RBFOX1: variants seen among roughly 807,000 people sequenced by gnomAD.
The protein encoded by RBFOX1 is RNA binding fox-1 homolog 1, also known as RNA binding protein fox-1 homolog 1.
In RBFOX1, 8 loss-of-function variants were observed where a neutral mutation model predicts 57.7. The observed-to-expected ratio is 0.14, with a 90% CI of 0.08 to 0.25. RBFOX1 has a LOEUF of 0.25. Among genes scored for constraint, RBFOX1 ranks in the 10% least tolerant of loss-of-function variants. RBFOX1 has a pLI of 1.00. For missense variants in RBFOX1, 611 were observed against 548.5 expected (o/e 1.11, Z -1.14); for synonymous variants, 326 against 222.4 (o/e 1.47, Z -4.15).
intron 3 of RBFOX1, among the ~76,000 whole-genome samples, chr16:5,839,451 C>G (rs1302904769): frequency 1.3e-5 from 2 of 152,190 alleles, no homozygotes; most frequent in African/African-American, 2.4e-5. Context: ...TTATCTGGTC[C>G]TGATTCACCA....
chr16:6,006,047 A>G (rs1334620632), intron 4 of RBFOX1, among the ~76,000 whole-genome samples: 1 of 152,238 alleles, frequency 6.6e-6, no homozygotes, highest in African/African-American at 2.4e-5. Flanking sequence ...ACTGGATCCT[A>G]TAGGTGGTGC....
intron 2 of RBFOX1, among the ~76,000 whole-genome samples, chr16:6,409,419 C>T (rs560507517): frequency 6.6e-6 from 1 of 152,212 alleles, no homozygotes; most frequent in Admixed American, 6.5e-5. Flanking sequence ...GGTCTCAAAA[C>T]AAAACAAAAC....
intron 1 of RBFOX1, among the ~76,000 whole-genome samples, chr16:5,263,238 A>G (rs1329681499): frequency 6.6e-6 from 1 of 152,190 alleles, no homozygotes; most frequent in African/African-American, 2.4e-5. Context: ...TGACTCAGGG[A>G]CAAAGTTTGG....
At chr16:7,394,444 GAACAGGATTTTATTAAGGA>G (rs1364392113) in intron 4 of RBFOX1, among the ~76,000 whole-genome samples, 1 of 151,988 alleles carries the variant, frequency 6.6e-6, no homozygotes, top group Non-Finnish European at 1.5e-5. Flanking sequence ...GCCATATGGG[GAACAGGATTTTATTAAGGA>G]AACCTCGAAA....
chr16:5,745,221 C>T (rs947371635), intron 3 of RBFOX1, among the ~76,000 whole-genome samples: 9 of 152,142 alleles, frequency 5.9e-5, no homozygotes, highest in Admixed American at 1.3e-4. Context: ...CGATAGTTTG[C>T]TGAGAATGAT....
intron 6 of RBFOX1, among the ~76,000 whole-genome samples, chr16:7,581,094 C>T (rs1413419092): frequency 6.6e-6 from 1 of 152,176 alleles, no homozygotes; most frequent in Non-Finnish European, 1.5e-5. Context: ...TTCTTATACA[C>T]ACGTGATGCT....
intron 5 of RBFOX1, among the ~76,000 whole-genome samples, chr16:7,562,611 G>C (rs1334368273): frequency 6.6e-5 from 10 of 152,182 alleles, no homozygotes; most frequent in Admixed American, 6.5e-4. Flanking sequence ...CCAGCAGAAT[G>C]AGATGGGAGG....
At chr16:6,793,407 C>A (rs187231538) in intron 3 of RBFOX1, among the ~76,000 whole-genome samples, 1 of 152,066 alleles carries the variant, frequency 6.6e-6, no homozygotes, top group African/African-American at 2.4e-5. Context: ...GAGGGTGGGA[C>A]ATTCTTACCT....
chr16:6,896,244 C>T (rs1283440034), intron 3 of RBFOX1, among the ~76,000 whole-genome samples: 1 of 152,140 alleles, frequency 6.6e-6, no homozygotes, highest in African/African-American at 2.4e-5. Flanking sequence ...CTGCACTGTG[C>T]AGTTTGAGAC....
At chr16:6,033,550 A>C in intron 1 of RBFOX1, among the ~76,000 whole-genome samples, 1 of 152,226 alleles carries the variant, frequency 6.6e-6, no homozygotes, top group East Asian at 1.9e-4. Context: ...CTCTTTTTAA[A>C]AAAATTAAGA....
At chr16:5,690,337 C>A (rs569587524) in intron 3 of RBFOX1, among the ~76,000 whole-genome samples, 3 of 152,300 alleles carry the variant, frequency 2.0e-5, no homozygotes, top group South Asian at 4.1e-4. Flanking sequence ...CAATGTAGAA[C>A]TCCCAAAAGC....
chr16:7,064,668 C>A (rs949681440), intron 4 of RBFOX1, among the ~76,000 whole-genome samples: 1 of 152,108 alleles, frequency 6.6e-6, no homozygotes, highest in Non-Finnish European at 1.5e-5. Flanking sequence ...TTTCCCTGGT[C>A]CACGGTACTT....
At chr16:7,507,882 A>G (rs2073892536) in intron 4 of RBFOX1, among the ~76,000 whole-genome samples, 1 of 149,146 alleles carries the variant, frequency 6.7e-6, no homozygotes, top group South Asian at 2.1e-4. Flanking sequence ...TATTTTTAAA[A>G]GAATACATAA....
At chr16:7,040,018 T>TTAC (rs1338551860) in intron 3 of RBFOX1, among the ~76,000 whole-genome samples, 2 of 150,884 alleles carry the variant, frequency 1.3e-5, no homozygotes, top group East Asian at 2.0e-4. Context: ...ATTATTATTA[T>TTAC]TATCATTATT....
intron 2 of RBFOX1, among the ~76,000 whole-genome samples, chr16:5,595,790 G>C (rs1284693277): frequency 2.0e-5 from 3 of 152,130 alleles, no homozygotes; most frequent in Non-Finnish European, 4.4e-5. Context: ...AGGAAAATAG[G>C]GACACACGGG....
At chr16:7,602,391 C>G (rs1442339650) in intron 9 of RBFOX1, among the ~76,000 whole-genome samples, 4 of 152,038 alleles carry the variant, frequency 2.6e-5, no homozygotes, top group East Asian at 1.9e-4. Flanking sequence ...GCTGGGGGGG[C>G]CCTGGGAGGC....
chr16:7,202,320 A>T (rs964891519), intron 4 of RBFOX1, among the ~76,000 whole-genome samples: 1 of 150,598 alleles, frequency 6.6e-6, no homozygotes. Context: ...AAAAAGAAGC[A>T]CAGAAAACAC....
intron 3 of RBFOX1, among the ~76,000 whole-genome samples, chr16:6,777,604 A>C (rs1226841833): frequency 1.3e-5 from 2 of 152,184 alleles, no homozygotes; most frequent in African/African-American, 4.8e-5. Flanking sequence ...AGAGAACAGA[A>C]TGATGGAAAT....
intron 3 of RBFOX1, among the ~76,000 whole-genome samples, chr16:5,619,853 G>A (rs1042478807): frequency 5.3e-5 from 8 of 152,124 alleles, no homozygotes; most frequent in African/African-American, 1.9e-4. Flanking sequence ...TGGGGACATG[G>A]GGGCTCACTT....
Sources: allele counts gnomAD v4.1 joint callset (sites outside exome capture counted in the v4.1 genomes callset), GRCh38; gene constraint gnomAD v4.1.1; transcripts MANE v1.5; gene names NCBI Gene and HGNC (gene_info 2026-07-23, HGNC 2026-07-21).